The following ITGA8 variants were observed in gnomAD, a reference collection of about 807,000 sequenced individuals.
ITGA8 encodes the protein integrin subunit alpha 8.
In ITGA8, 91 loss-of-function variants were observed where a neutral mutation model predicts 142.3. The observed-to-expected ratio is 0.64, with a 90% CI of 0.54 to 0.76. The LOEUF (loss-of-function observed/expected upper bound fraction) is 0.76. Ranked by LOEUF, ITGA8 falls within the 30% of genes least tolerant of loss-of-function variation. The pLI is 0.00. For synonymous variants in ITGA8, 505 were observed against 485.2 expected (o/e 1.04, Z -0.54); for missense variants, 1,406 against 1,327.7 (o/e 1.06, Z -0.92).
chr10:15,523,507 C>T (rs1833107186), intron 28 of ITGA8, among the ~76,000 whole-genome samples: 1 of 152,126 alleles, frequency 6.6e-6, no homozygotes, highest in Admixed American at 6.5e-5. Context: ...AAGATGACCC[C>T]CTGCAGTGAT....
intron 2 of ITGA8, among the ~76,000 whole-genome samples, chr10:15,710,867 G>T (rs1288781673): frequency 6.6e-6 from 1 of 152,164 alleles, no homozygotes; most frequent in Non-Finnish European, 1.5e-5. Context: ...TATTCCTGTT[G>T]CAGTGGTGTG....
At chr10:15,564,759 T>C (rs1206195671) in intron 25 of ITGA8, among the ~76,000 whole-genome samples, 1 of 152,212 alleles carries the variant, frequency 6.6e-6, no homozygotes, top group African/African-American at 2.4e-5. Flanking sequence ...ACAAAAGCAA[T>C]GCACACTATC....
chr10:15,661,759 A>G (rs939196684), intron 8 of ITGA8, among the ~76,000 whole-genome samples: 17 of 152,196 alleles, frequency 1.1e-4, no homozygotes, highest in African/African-American at 3.6e-4. Context: ...AGGGACGTGG[A>G]TGATTCATCT....
intron 8 of ITGA8, among the ~76,000 whole-genome samples, chr10:15,667,661 T>C (rs2131680298): frequency 6.6e-6 from 1 of 151,956 alleles, no homozygotes; most frequent in East Asian, 1.9e-4. Flanking sequence ...CATTTAGTGC[T>C]ATAAATTTCC....
At chr10:15,669,257 A>T (rs913162745) in intron 8 of ITGA8, among the ~76,000 whole-genome samples, 3 of 151,894 alleles carry the variant, frequency 2.0e-5, no homozygotes, top group Non-Finnish European at 1.5e-5. Context: ...TTCTTGCTTC[A>T]TTTCATTCAT....
chr10:15,575,645 T>A, intron 23 of ITGA8, 51 bp from the exon 24 acceptor site: 1 of 1,417,244 alleles, frequency 7.1e-7, no homozygotes, highest in Non-Finnish European at 1.0e-6. Flanking sequence ...AGGTAAAGAA[T>A]GTTTTACTAG....
intron 11 of ITGA8, among the ~76,000 whole-genome samples, chr10:15,652,444 G>A (rs952462252): frequency 1.6e-5 from 1 of 62,718 alleles, no homozygotes; most frequent in Non-Finnish European, 3.7e-5. Flanking sequence ...AGGCCACAGT[G>A]GGATTTTTTT....
chr10:15,569,505 G>A (rs928451382), intron 25 of ITGA8, among the ~76,000 whole-genome samples: 1 of 152,184 alleles, frequency 6.6e-6, no homozygotes, highest in African/African-American at 2.4e-5. Context: ...TTCTTGCCTT[G>A]ACAAATGTTA....
At position 15,575,587 on chromosome 10, in the gene ITGA8, G is replaced by A; in HGVS notation, c.2380C>T (p.His794Tyr). 1 of 1,613,020 alleles carries A rather than the reference G, an allele frequency of 6.2e-7. No individual in the cohort carries two copies. The highest frequency in any genetic ancestry group is 1.1e-5 in the South Asian group (1 of 91,064). ...ATGGGCAGAACAATCTGCGGAGGGT[G>A]TGACACTCTGAAACATGAAATGTCC... ...VAQVEIRGVS[H>Y]PPQIVLPIHN... The change falls in exon 24 of 30, where the codon CAC becomes TAC. Residue 794 changes from histidine to tyrosine, a missense_variant. Coordinates refer to ENST00000378076, the MANE Select transcript of ITGA8 (RefSeq NM_003638.3).
At chr10:15,551,518 G>T (rs1833792845) in intron 26 of ITGA8, among the ~76,000 whole-genome samples, 1 of 152,130 alleles carries the variant, frequency 6.6e-6, no homozygotes, top group Non-Finnish European at 1.5e-5. Flanking sequence ...AGGAAAGTTT[G>T]GAGAGGAGGA....
At chr10:15,694,104 A>G (rs923186612) in intron 2 of ITGA8, among the ~76,000 whole-genome samples, 4 of 146,194 alleles carry the variant, frequency 2.7e-5, no homozygotes, top group African/African-American at 9.9e-5. Context: ...TAATATACCT[A>G]TATATTATAT....
chr10:15,685,331 C>G (rs1313512092), intron 3 of ITGA8, among the ~76,000 whole-genome samples: 1 of 152,172 alleles, frequency 6.6e-6, no homozygotes, highest in Non-Finnish European at 1.5e-5. Context: ...AACAAAATGT[C>G]CTATGCTTAT....
intron 27 of ITGA8, among the ~76,000 whole-genome samples, chr10:15,545,115 T>A (rs1436359189): frequency 2.0e-5 from 3 of 152,166 alleles, no homozygotes; most frequent in Non-Finnish European, 4.4e-5. Flanking sequence ...GCTGCTAGGT[T>A]TTGGGGAAAT....
chr10:15,577,046 G>C (rs1834312231), intron 23 of ITGA8, among the ~76,000 whole-genome samples: 1 of 152,162 alleles, frequency 6.6e-6, no homozygotes, highest in East Asian at 1.9e-4. Context: ...TACCAGTCTT[G>C]ACAGTCTCCA....
At chr10:15,699,935 G>A (rs533950655) in intron 2 of ITGA8, among the ~76,000 whole-genome samples, 2 of 152,260 alleles carry the variant, frequency 1.3e-5, no homozygotes, top group East Asian at 1.9e-4. Context: ...TTTCCTGTTT[G>A]TGGACCATTC....
chr10:15,590,918 A>C (rs1832910479), intron 22 of ITGA8, among the ~76,000 whole-genome samples: 1 of 152,234 alleles, frequency 6.6e-6, no homozygotes, highest in South Asian at 2.1e-4. Flanking sequence ...GTAAGTTGAG[A>C]AAACCTTCCT....
chr10:15,558,166 C>T lies in ITGA8; in HGVS notation c.2674G>A (p.Ala892Thr), dbSNP rs770613585. The T allele has an allele frequency of 4.2e-5, 67 of 1,614,062 alleles. No homozygotes were observed. The highest frequency in any genetic ancestry group is 1.6e-4 in the Middle Eastern group (1 of 6,084). The change falls in exon 26 of 30, where the codon GCC (alanine) becomes ACC (threonine). Residue 892 changes from alanine (A) to threonine (T), a missense_variant. Transcript: ENST00000378076. Reference protein sequence around the residue: ...ASPEDTPELSAFLRNSTIPHL... With the variant: ...ASPEDTPELSTFLRNSTIPHL... ...GGAATAGTAGAGTTTCGCAAAAAGG[C>T]GCTGAGCTCAGGGGTGTCCTCTGGG... is the stretch of plus-strand genomic sequence containing the variant.
At position 15,679,139 on chromosome 10, in the gene ITGA8, G is replaced by A. The variant is rs78324178; in HGVS notation, c.569-356C>T. On this transcript the variant is annotated intron_variant, in intron 4 of 29. Transcript: ENST00000378076. Reference sequence around the variant, plus strand: ...TAACGTGTCTCTCTTTTGCCCCCTCGTGCTGTGTGAAGGCAGATAGGTCTG... The same window carrying A: ...TAACGTGTCTCTCTTTTGCCCCCTCATGCTGTGTGAAGGCAGATAGGTCTG... 1.6e-3 allele frequency among the ~76,000 whole-genome samples: 244 copies of A among 152,060 alleles called. 2 individuals carry two copies. The East Asian group carries it at 0.037, about 23-fold the overall frequency.
chr10:15,660,988 A>G (rs921033912), intron 8 of ITGA8, 66 bp from the exon 9 acceptor site: 3 of 1,339,710 alleles, frequency 2.2e-6, no homozygotes, highest in African/African-American at 1.4e-5. Context: ...CACACACGCC[A>G]TATACTAAAA....
Sources: allele counts gnomAD v4.1 joint callset (sites outside exome capture counted in the v4.1 genomes callset), GRCh38; gene constraint gnomAD v4.1.1; transcripts MANE v1.5; gene names NCBI Gene and HGNC (gene_info 2026-07-23, HGNC 2026-07-21).